SCFD2: variants seen among roughly 807,000 people sequenced by gnomAD.
SCFD2 encodes the protein sec1 family domain-containing protein 2.
Under a neutral mutation model 58.9 loss-of-function variants are expected in SCFD2, and 54 were observed. That is an observed-to-expected ratio of 0.92 (90% CI 0.74 to 1.15). SCFD2 has a LOEUF of 1.15. Among genes scored for constraint, SCFD2 ranks in the 50% most tolerant of loss-of-function variants. The probability of loss-of-function intolerance (pLI) is 0.00; values close to 1 mark genes in which losing one functional copy is unlikely to be tolerated. For missense variants in SCFD2, 805 were observed against 836.6 expected (o/e 0.96, Z 0.47); for synonymous variants, 321 against 335.9 (o/e 0.96, Z 0.49).
intron 7 of SCFD2, among the ~76,000 whole-genome samples, chr4:52,895,440 TGATACTTTGCTGA>T (rs1440114791): frequency 6.6e-6 from 1 of 152,158 alleles, no homozygotes; most frequent in African/African-American, 2.4e-5. Context: ...TTTGCCTTTG[TGATACTTTGCTGA>T]GAATGATGGT....
At chr4:52,903,365 A>G (rs1326743325) in intron 7 of SCFD2, among the ~76,000 whole-genome samples, 1 of 152,114 alleles carries the variant, frequency 6.6e-6, no homozygotes, top group Non-Finnish European at 1.5e-5. Context: ...GCTGGAAAGG[A>G]GGGTCAGGGC....
intron 5 of SCFD2, among the ~76,000 whole-genome samples, chr4:52,924,893 A>C (rs1478636748): frequency 3.9e-5 from 6 of 152,214 alleles, no homozygotes; most frequent in African/African-American, 1.4e-4. Flanking sequence ...AATGCAGCTC[A>C]TTCCAAATAT....
rs557851864 is a variant in SCFD2 at position 53,294,894 on chromosome 4, G to A, written c.1135+18742C>T. Among the ~76,000 whole-genome samples, 3 of 152,264 alleles carry A rather than the reference G, an allele frequency of 2.0e-5. No homozygotes were observed. The South Asian group carries it at 6.2e-4, about 32-fold the overall frequency. On this transcript the variant is annotated intron_variant, in intron 3 of 8. Coordinates refer to ENST00000401642, the MANE Select transcript of SCFD2 (RefSeq NM_152540.4). ...TTCCCAACACCATTTATTAAATAGG[G>A]AATTCTTTCCCCATTGCTTGTTTTT...
intron 4 of SCFD2, among the ~76,000 whole-genome samples, chr4:53,236,448 A>G (rs1420456770): frequency 1.4e-5 from 2 of 147,738 alleles, no homozygotes; most frequent in Non-Finnish European, 3.0e-5. Context: ...ACACATATAT[A>G]AGGATATATA....
rs1317882723 is a variant in SCFD2, at chr4:52,986,351, C to T, written c.1562-65481G>A. Among the ~76,000 whole-genome samples, 4 of 151,808 alleles carry T rather than the reference C, an allele frequency of 2.6e-5. No individual in the cohort carries two copies. In the East Asian group the frequency reaches 5.8e-4, roughly 22 times the overall value. On this transcript the variant is annotated intron_variant, in intron 5 of 8. Transcript: ENST00000401642. Reference sequence around the variant, plus strand: ...CTGCAACGTTTGTGGCTAATAATGACGGTGCAAGTTCAAAATTACTCTGAG... The same window carrying T: ...CTGCAACGTTTGTGGCTAATAATGATGGTGCAAGTTCAAAATTACTCTGAG...
intron 5 of SCFD2, among the ~76,000 whole-genome samples, chr4:53,061,242 T>C (rs1433810829): frequency 4.6e-5 from 7 of 152,172 alleles, no homozygotes; most frequent in African/African-American, 1.7e-4. Context: ...TGGCAAATAC[T>C]AATGCTCATA....
intron 5 of SCFD2, among the ~76,000 whole-genome samples, chr4:53,129,475 C>T (rs1276068165): frequency 6.6e-6 from 1 of 152,182 alleles, no homozygotes; most frequent in Non-Finnish European, 1.5e-5. Flanking sequence ...TGCACACATA[C>T]ATTCTCCTTC....
At chr4:52,963,765 C>T (rs1720902451) in intron 5 of SCFD2, among the ~76,000 whole-genome samples, 1 of 152,130 alleles carries the variant, frequency 6.6e-6, no homozygotes, top group African/African-American at 2.4e-5. Context: ...TTCTCTCAGC[C>T]TCAGTTTCAC....
At chr4:52,972,768 T>C (rs946965166) in intron 5 of SCFD2, among the ~76,000 whole-genome samples, 2 of 152,230 alleles carry the variant, frequency 1.3e-5, no homozygotes, top group Admixed American at 6.5e-5. Context: ...TAGTTGGAAG[T>C]AGAACACTCC....
At chr4:52,988,838 G>A (rs1399188363) in intron 5 of SCFD2, among the ~76,000 whole-genome samples, 1 of 151,982 alleles carries the variant, frequency 6.6e-6, no homozygotes, top group Non-Finnish European at 1.5e-5. Flanking sequence ...ATTTAATCTT[G>A]CTGTCTCCCC....
chr4:52,898,037 C>A (rs2109460557), intron 7 of SCFD2, among the ~76,000 whole-genome samples: 1 of 152,148 alleles, frequency 6.6e-6, no homozygotes, highest in South Asian at 2.1e-4. Context: ...CTATTTGATT[C>A]TTCTCTCTTT....
At chr4:52,959,810 G>T (rs764008051) in intron 5 of SCFD2, among the ~76,000 whole-genome samples, 1 of 151,864 alleles carries the variant, frequency 6.6e-6, no homozygotes, top group Non-Finnish European at 1.5e-5. Context: ...TATGGAACTA[G>T]TTACTGAGGA....
chr4:53,055,813 C>T (rs1268321882), intron 5 of SCFD2, among the ~76,000 whole-genome samples: 1 of 152,066 alleles, frequency 6.6e-6, no homozygotes, highest in Non-Finnish European at 1.5e-5. Context: ...TTTAGTGTGG[C>T]TTCCTAGGGT....
intron 5 of SCFD2, among the ~76,000 whole-genome samples, chr4:53,033,983 T>TA (rs1722690845): frequency 1.3e-5 from 2 of 152,256 alleles, no homozygotes; most frequent in South Asian, 4.2e-4. Flanking sequence ...ATCATCCTGA[T>TA]ACCAAAACCT....
intron 5 of SCFD2, among the ~76,000 whole-genome samples, chr4:53,043,987 ACT>A (rs1031452872): frequency 1.7e-4 from 26 of 152,178 alleles, no homozygotes; most frequent in Non-Finnish European, 3.2e-4. Flanking sequence ...CACTGTTCAA[ACT>A]CTTTCAAGAA....
In SCFD2 at chr4:53,236,740, AAAT is replaced by A. The variant is rs1214689449; in HGVS notation, c.1311+37083_1311+37085del. Among the ~76,000 whole-genome samples, 8 of 150,974 alleles carry A rather than the reference AAAT, an allele frequency of 5.3e-5. No homozygotes were observed. The East Asian group carries it at 1.5e-3, about 29-fold the overall frequency. On this transcript the variant is annotated intron_variant, in intron 4 of 8. Coordinates refer to ENST00000401642, the MANE Select transcript of SCFD2 (RefSeq NM_152540.4). ...TATTTATATATTTATATTGCTTTAA[AAAT>A]AATAATTACAGGGTTATTTTAACTA...
chr4:53,257,020 G>A (rs1400832677), intron 4 of SCFD2, among the ~76,000 whole-genome samples: 2 of 152,024 alleles, frequency 1.3e-5, no homozygotes, highest in African/African-American at 4.8e-5. Flanking sequence ...GACTAATACA[G>A]TGACAATATA....
intron 4 of SCFD2, among the ~76,000 whole-genome samples, chr4:53,174,952 TG>T (rs1727284781): frequency 9.7e-6 from 1 of 103,264 alleles, no homozygotes; most frequent in Non-Finnish European, 2.3e-5. Context: ...CTGTTTTGCA[TG>T]TTTGTGACGG....
At chr4:53,105,219 C>T (rs1406732131) in intron 5 of SCFD2, among the ~76,000 whole-genome samples, 1 of 152,152 alleles carries the variant, frequency 6.6e-6, no homozygotes, top group Non-Finnish European at 1.5e-5. Context: ...TCCGTGCCTA[C>T]ACCACCAGTG....
Sources: allele counts gnomAD v4.1 joint callset (sites outside exome capture counted in the v4.1 genomes callset), GRCh38; gene constraint gnomAD v4.1.1; transcripts MANE v1.5; gene names NCBI Gene and HGNC (gene_info 2026-07-23, HGNC 2026-07-21).